The following AGTPBP1 variants were observed in gnomAD, a reference collection of about 807,000 sequenced individuals.
The protein encoded by AGTPBP1 is ATP/GTP binding carboxypeptidase 1, also known as cytosolic carboxypeptidase 1.
A neutral mutation model predicts 143.9 loss-of-function variants in AGTPBP1; 70 were observed. The observed-to-expected ratio is 0.49, with a 90% CI of 0.40 to 0.59. The LOEUF (loss-of-function observed/expected upper bound fraction) is 0.59, where lower values mean the gene tolerates loss of function less well. AGTPBP1 is among the 20% of genes least tolerant of loss of function. AGTPBP1 has a pLI of 0.00. For synonymous variants in AGTPBP1, 463 were observed against 500.2 expected, an observed-to-expected ratio of 0.93 and a Z score of 0.99; for missense variants, 1,229 against 1,464.5, an observed-to-expected ratio of 0.84 and a Z score of 2.62.
intron 11 of AGTPBP1, among the ~76,000 whole-genome samples, chr9:85,650,605 G>A (rs1434989457): frequency 6.6e-6 from 1 of 152,162 alleles, no homozygotes; most frequent in African/African-American, 2.4e-5. Flanking sequence ...AAAGTTCTAT[G>A]CAGATTTTCA....
intron 23 of AGTPBP1, among the ~76,000 whole-genome samples, chr9:85,581,200 G>C (rs138736054): frequency 2.0e-5 from 3 of 152,148 alleles, no homozygotes; most frequent in Admixed American, 2.0e-4. Flanking sequence ...AATGTCTTTT[G>C]GAAAATAACC....
At chr9:85,703,654 G>A (rs1836809542) in intron 2 of AGTPBP1, among the ~76,000 whole-genome samples, 1 of 152,172 alleles carries the variant, frequency 6.6e-6, no homozygotes, top group Non-Finnish European at 1.5e-5. Context: ...TCAATCTGGG[G>A]GAACACATAA....
At chr9:85,683,908 T>A (rs558926136) in intron 3 of AGTPBP1, among the ~76,000 whole-genome samples, 36 of 152,158 alleles carry the variant, frequency 2.4e-4, no homozygotes, top group Admixed American at 7.9e-4. Context: ...GTCCCCTCCA[T>A]ACTTAACTTG....
At chr9:85,640,903 T>A (rs79775831) in intron 13 of AGTPBP1, among the ~76,000 whole-genome samples, 2,578 of 152,306 alleles carry the variant, frequency 0.017, 38 homozygotes, top group African/African-American at 0.037. Context: ...TTCCATGGTT[T>A]CAGTACTGGA....
At chr9:85,637,363 C>A (rs1832137809) in intron 13 of AGTPBP1, among the ~76,000 whole-genome samples, 1 of 151,944 alleles carries the variant, frequency 6.6e-6, no homozygotes, top group South Asian at 2.1e-4. Context: ...ATTTTGTGCA[C>A]AAAATGTTAT....
chr9:85,669,796 CAAA>C (rs35265103), intron 7 of AGTPBP1, among the ~76,000 whole-genome samples: 2 of 126,432 alleles, frequency 1.6e-5, no homozygotes, highest in Non-Finnish European at 3.5e-5. Context: ...GAGTTATATG[CAAA>C]AAAAAAAAAA....
chr9:85,657,501 G>A lies in AGTPBP1; in HGVS notation c.843C>T (p.Asn281=). 1 of 1,613,804 alleles carries A rather than the reference G, an allele frequency of 6.2e-7. No individual in the cohort carries two copies. Among genetic ancestry groups the A allele is most frequent in the Non-Finnish European group, 8.5e-7 (1 of 1,179,878 alleles). Residue 281 remains asparagine (N), a synonymous_variant, in exon 10 of 26, where the codon AAC becomes AAT. Transcript: ENST00000357081. ...GILQSLKSVT[N]IKLGRKAFID... Reference sequence around the variant, plus strand: ...TAAATGCTTTTCTTCCCAACTTGATGTTTGTAACACTTTTTAAACTCTGTA... The same window carrying A: ...TAAATGCTTTTCTTCCCAACTTGATATTTGTAACACTTTTTAAACTCTGTA...
intron 3 of AGTPBP1, among the ~76,000 whole-genome samples, chr9:85,681,872 C>T (rs1245997810): frequency 6.6e-6 from 1 of 151,058 alleles, no homozygotes; most frequent in East Asian, 2.0e-4. Context: ...GCCTCAGCCT[C>T]CTGAGTAGCT....
intron 25 of AGTPBP1, among the ~76,000 whole-genome samples, chr9:85,570,209 G>A (rs1203095149): frequency 1.3e-5 from 2 of 152,206 alleles, no homozygotes; most frequent in Non-Finnish European, 2.9e-5. Context: ...CAGGTGGAAT[G>A]GAGTGGGATG....
the AGTPBP1 span, among the ~76,000 whole-genome samples, chr9:85,764,403 G>A: frequency 0.02 from 2,993 of 151,026 alleles, 35 homozygotes; most frequent in African/African-American, 0.041. Flanking sequence ...GGTGATGAGC[G>A]CCTGTAATCC....
the AGTPBP1 span, chr9:85,786,041 T>C: frequency 7.9e-7 from 1 of 1,264,966 alleles, no homozygotes; most frequent in South Asian, 1.4e-5. Context: ...GATGTTTTGA[T>C]TAAAACACCT....
the AGTPBP1 span, among the ~76,000 whole-genome samples, chr9:85,763,469 T>C: frequency 7.9e-5 from 12 of 151,832 alleles, no homozygotes; most frequent in African/African-American, 2.7e-4. Context: ...TATAGTTCTG[T>C]TGGAGAAGAA....
rs573844763 is a variant in AGTPBP1, at chr9:85,607,112, C to A, written c.2336-10663G>T. Among the ~76,000 whole-genome samples the A allele has an allele frequency of 2.1e-4, 32 of 151,944 alleles. No homozygotes were observed. In the East Asian group the frequency reaches 6.0e-3, roughly 28 times the overall value. On this transcript the variant is annotated intron_variant, in intron 17 of 25. Coordinates refer to ENST00000357081, the MANE Select transcript of AGTPBP1 (RefSeq NM_001330701.2). Reference sequence around the variant, plus strand: ...ATCAAGGTGATGGATATCCTAAATACCCTGACTTGATTGTGACACATTCTA... The same window carrying A: ...ATCAAGGTGATGGATATCCTAAATAACCTGACTTGATTGTGACACATTCTA...
chr9:85,581,357 T>C (rs1828247070), intron 23 of AGTPBP1, among the ~76,000 whole-genome samples: 1 of 152,220 alleles, frequency 6.6e-6, no homozygotes, highest in South Asian at 2.1e-4. Flanking sequence ...GACTCAGATG[T>C]CTTAGTGGAC....
At chr9:85,683,993 G>A (rs1231290946) in intron 3 of AGTPBP1, among the ~76,000 whole-genome samples, 2 of 150,452 alleles carry the variant, frequency 1.3e-5, no homozygotes, top group African/African-American at 4.9e-5. Flanking sequence ...AAAAAGCTGA[G>A]TTCCCTGCTC....
the AGTPBP1 span, among the ~76,000 whole-genome samples, chr9:85,767,180 C>CTTTTTTTT: frequency 7.7e-5 from 9 of 116,456 alleles, no homozygotes; most frequent in African/African-American, 1.1e-4. Flanking sequence ...TGAGAACATA[C>CTTTTTTTT]TTTTTTTTTT....
intron 13 of AGTPBP1, among the ~76,000 whole-genome samples, chr9:85,635,546 AAT>A (rs1831982709): frequency 6.6e-6 from 1 of 152,198 alleles, no homozygotes; most frequent in South Asian, 2.1e-4. Flanking sequence ...CATATATTAA[AAT>A]ATTTTAAGTT....
chr9:85,560,909 G>A (rs75571680), intron 25 of AGTPBP1, among the ~76,000 whole-genome samples: 2,709 of 152,214 alleles, frequency 0.018, 94 homozygotes, highest in African/African-American at 0.062. Context: ...CAGGAACAAT[G>A]TTTGAAGAGA....
At chr9:85,709,456 T>C (rs528682669) in intron 2 of AGTPBP1, among the ~76,000 whole-genome samples, 1 of 152,326 alleles carries the variant, frequency 6.6e-6, no homozygotes, top group Non-Finnish European at 1.5e-5. Flanking sequence ...ACCTACTAAA[T>C]GAGTTCATCC....
Sources: gnomAD v4.1 joint callset for allele counts (sites outside exome capture counted in the v4.1 genomes callset) on GRCh38, gnomAD v4.1.1 for gene constraint, MANE v1.5 for transcripts, NCBI Gene and HGNC (gene_info 2026-07-23, HGNC 2026-07-21) for gene names.